RIC1: variants seen among roughly 807,000 people sequenced by gnomAD.
RIC1 encodes guanine nucleotide exchange factor subunit RIC1.
RIC1 carries 88 observed loss-of-function variants against 169.0 expected under a neutral mutation model. That is an observed-to-expected ratio of 0.52 (90% CI 0.44 to 0.62). The LOEUF (loss-of-function observed/expected upper bound fraction) is 0.62, where lower values mean the gene tolerates loss of function less well. Among genes scored for constraint, RIC1 ranks in the 20% least tolerant of loss-of-function variants. RIC1 has a pLI of 0.00. For synonymous variants in RIC1, 790 were observed against 601.5 expected (o/e 1.31, Z -4.59); for missense variants, 1,877 against 1,725.5 (o/e 1.09, Z -1.56).
In RIC1 at chr9:5,720,883, A is replaced by G. The variant is rs998846547; in HGVS notation, c.720+133A>G. On this transcript the variant is annotated intron_variant, in intron 6 of 25. Coordinates refer to ENST00000414202, the MANE Select transcript of RIC1 (RefSeq NM_020829.4). ...TTAATTTTTTAATCAAACCAAACATATAAATAGTATAAGTAGACAAAATTC... is the reference window on the plus strand; with the variant it reads ...TTAATTTTTTAATCAAACCAAACATGTAAATAGTATAAGTAGACAAAATTC... 3 of 758,748 alleles carry G rather than the reference A, an allele frequency of 4.0e-6. No homozygotes were observed. The African/African-American group carries it at 5.5e-5, about 14-fold the overall frequency. 47.0% of individuals were successfully genotyped at this position (758,748 alleles called of 1,614,324 possible). A position where few individuals can be genotyped will look rare whatever the true frequency, so the allele number is the denominator to read the frequency against.
intron 16 of RIC1, 97 bp downstream of exon 16, chr9:5,756,469 T>C: frequency 1.3e-6 from 1 of 789,190 alleles, no homozygotes. Context: ...TCCACTTTTA[T>C]ATTCAATCTT....
At chr9:5,646,131 T>C (rs1364304744) in intron 1 of RIC1, among the ~76,000 whole-genome samples, 1 of 152,196 alleles carries the variant, frequency 6.6e-6, no homozygotes, top group Non-Finnish European at 1.5e-5. Context: ...TTGGGTCCAA[T>C]GTGGTATGTC....
chr9:5,709,420 C>T (rs904893895), intron 3 of RIC1, among the ~76,000 whole-genome samples: 1 of 152,098 alleles, frequency 6.6e-6, no homozygotes, highest in African/African-American at 2.4e-5. Context: ...TTATCAGCTC[C>T]CTTACTTTCT....
chr9:5,679,399 G>T (rs1272739617), intron 2 of RIC1, among the ~76,000 whole-genome samples: 1 of 152,134 alleles, frequency 6.6e-6, no homozygotes, highest in Non-Finnish European at 1.5e-5. Flanking sequence ...AGCTTGATGG[G>T]GATGGCATTG....
At chr9:5,709,979 CTT>C (rs1211829503) in intron 3 of RIC1, among the ~76,000 whole-genome samples, 1 of 152,126 alleles carries the variant, frequency 6.6e-6, no homozygotes, top group Admixed American at 6.6e-5. Context: ...GGTTTCAATT[CTT>C]TCTCTTGATA....
chr9:5,680,302 C>CT (rs1820737662), intron 2 of RIC1, among the ~76,000 whole-genome samples: 1 of 152,116 alleles, frequency 6.6e-6, no homozygotes, highest in Non-Finnish European at 1.5e-5. Context: ...CTAAAATTTT[C>CT]TTTTTTTGTT....
intron 2 of RIC1, among the ~76,000 whole-genome samples, chr9:5,682,345 G>A (rs1467060067): frequency 3.9e-5 from 6 of 152,144 alleles, no homozygotes; most frequent in Admixed American, 3.9e-4. Context: ...CTCTTTTAAG[G>A]CAGGCCTGGT....
intron 2 of RIC1, among the ~76,000 whole-genome samples, chr9:5,682,541 T>C (rs987148362): frequency 2.6e-5 from 4 of 152,202 alleles, no homozygotes; most frequent in African/African-American, 9.6e-5. Flanking sequence ...GTTAGTCTGA[T>C]GGGCTTCTCT....
At chr9:5,765,859 C>T in intron 21 of RIC1, 61 bp downstream of exon 21, 4 of 1,575,932 alleles carry the variant, frequency 2.5e-6, no homozygotes, top group Non-Finnish European at 3.5e-6. Context: ...CATTTCAAGA[C>T]ATTTACAAAA....
intron 2 of RIC1, among the ~76,000 whole-genome samples, chr9:5,689,313 A>T (rs772952949): frequency 3.9e-5 from 6 of 151,946 alleles, no homozygotes; most frequent in Non-Finnish European, 8.8e-5. Flanking sequence ...GGCCTCCCAA[A>T]ATACTGGGAT....
At position 5,702,094 on chromosome 9, in the gene RIC1, T is replaced by C. The variant is rs1586976821; in HGVS notation, c.333-11802T>C. Among the ~76,000 whole-genome samples, 5 of 152,298 alleles carry C rather than the reference T, an allele frequency of 3.3e-5. No homozygotes were observed. The South Asian group carries it at 1.0e-3, about 32-fold the overall frequency. ...AGTTGATTTTTTCCCAGTCTGAAGC[T>C]CATAGTTTATTAAGGGGACAAAAGC... On this transcript the variant is annotated intron_variant, in intron 3 of 25. Transcript: ENST00000414202.
intron 4 of RIC1, among the ~76,000 whole-genome samples, chr9:5,715,863 A>G (rs927852481): frequency 2.3e-4 from 30 of 133,148 alleles, no homozygotes; most frequent in Admixed American, 8.7e-4. Context: ...TCACCTTGTC[A>G]CCCAGGCTGA....
chr9:5,770,094 G>A lies in RIC1; in HGVS notation c.3432G>A (p.Glu1144=). Residue 1144 remains glutamate, a synonymous_variant, in exon 23 of 26, where the codon GAG becomes GAA. Coordinates refer to ENST00000414202, the MANE Select transcript of RIC1 (RefSeq NM_020829.4). The part of the protein sequence containing the change: ...FKNGKYRTVG[E]QLLKSQSADP... ...TTCGGACCCACTCTGCAGTGGGAGA[G>A]CAGCTGTTAAAGTCTCAATCAGCTG... The A allele has an allele frequency of 6.2e-7, 1 of 1,611,058 alleles. No homozygotes were observed. Among genetic ancestry groups the A allele is most frequent in the Non-Finnish European group, 8.5e-7 (1 of 1,178,468 alleles).
At chr9:5,644,209 C>T (rs1818389812) in intron 1 of RIC1, among the ~76,000 whole-genome samples, 1 of 152,120 alleles carries the variant, frequency 6.6e-6, no homozygotes, top group South Asian at 2.1e-4. Context: ...GTACTATGCC[C>T]ATTTGTCATC....
chr9:5,734,524 A>C (rs1325433116), intron 7 of RIC1, among the ~76,000 whole-genome samples: 1 of 152,214 alleles, frequency 6.6e-6, no homozygotes, highest in African/African-American at 2.4e-5. Context: ...TTACTGGCAT[A>C]AAGTTTATAA....
intron 1 of RIC1, among the ~76,000 whole-genome samples, chr9:5,645,710 G>T (rs556579221): frequency 6.6e-6 from 1 of 152,312 alleles, no homozygotes; most frequent in East Asian, 1.9e-4. Flanking sequence ...TATCCATGCT[G>T]TAGCATGTAC....
intron 12 of RIC1, among the ~76,000 whole-genome samples, chr9:5,752,544 G>A (rs895983578): frequency 6.6e-6 from 1 of 151,692 alleles, no homozygotes; most frequent in African/African-American, 2.4e-5. Flanking sequence ...GGGTTCAAGC[G>A]ATTGTCCTGC....
At chr9:5,700,521 A>G (rs1300362090) in intron 3 of RIC1, among the ~76,000 whole-genome samples, 4 of 151,978 alleles carry the variant, frequency 2.6e-5, no homozygotes, top group African/African-American at 9.7e-5. Context: ...AGCAAATTTC[A>G]ACACTTTTAG....
intron 3 of RIC1, among the ~76,000 whole-genome samples, chr9:5,712,006 T>C (rs1347736324): frequency 3.9e-5 from 6 of 152,208 alleles, no homozygotes; most frequent in African/African-American, 7.2e-5. Context: ...TCCAAGTCTT[T>C]GCTATTGTGA....
Sources: allele counts gnomAD v4.1 joint callset (sites outside exome capture counted in the v4.1 genomes callset), GRCh38; gene constraint gnomAD v4.1.1; transcripts MANE v1.5; gene names NCBI Gene and HGNC (gene_info 2026-07-23, HGNC 2026-07-21).